The following CNTLN variants were observed in gnomAD, a reference collection of about 807,000 sequenced individuals.
CNTLN encodes centlein, also known as centlein, centrosomal protein.
Under a neutral mutation model 180.0 loss-of-function variants are expected in CNTLN, and 212 were observed. The ratio of observed to expected loss-of-function variants is 1.18; its 90% CI spans 1.05 to 1.32. CNTLN has a LOEUF of 1.32. Ranked by LOEUF, CNTLN falls within the 40% of genes most tolerant of loss-of-function variation. The pLI is 0.00. For missense variants in CNTLN, 2,095 were observed against 1,610.9 expected, an observed-to-expected ratio of 1.30 and a Z score of -5.14; for synonymous variants, 722 against 563.1, an observed-to-expected ratio of 1.28 and a Z score of -3.99.
intron 8 of CNTLN, among the ~76,000 whole-genome samples, chr9:17,312,391 T>TATATATA (rs1819251212): frequency 9.1e-6 from 1 of 109,358 alleles, no homozygotes; most frequent in African/African-American, 3.5e-5. Flanking sequence ...TATAATTTAT[T>TATATATA]TATTTATTTT....
intron 15 of CNTLN, 28 bp downstream of exon 15, chr9:17,395,097 G>A (rs1415962648): frequency 6.3e-7 from 1 of 1,576,464 alleles, no homozygotes; most frequent in East Asian, 2.2e-5. Context: ...TTAGCTCTGT[G>A]GTGGGGACAC....
At chr9:17,265,340 C>A (rs1272169285) in intron 5 of CNTLN, among the ~76,000 whole-genome samples, 1 of 152,092 alleles carries the variant, frequency 6.6e-6, no homozygotes, top group Non-Finnish European at 1.5e-5. Flanking sequence ...TGCTGGATTA[C>A]ACTTATTGAT....
intron 14 of CNTLN, among the ~76,000 whole-genome samples, chr9:17,390,223 T>C (rs1370954140): frequency 7.1e-6 from 1 of 140,868 alleles, no homozygotes; most frequent in East Asian, 2.1e-4. Context: ...ATTTCAGTTT[T>C]GAAAAGAGCC....
chr9:17,489,032 T>G (rs1013996184), intron 25 of CNTLN, among the ~76,000 whole-genome samples: 2 of 152,184 alleles, frequency 1.3e-5, no homozygotes, highest in South Asian at 4.1e-4. Context: ...GTTTTGCTGA[T>G]GTCTTTGAAT....
intron 19 of CNTLN, 71 bp from the exon 20 acceptor site, chr9:17,462,845 G>C: frequency 1.8e-6 from 1 of 565,976 alleles, no homozygotes; most frequent in Non-Finnish European, 3.0e-6. Context: ...CTTTAGAATG[G>C]CACTTATTTT....
intron 14 of CNTLN, among the ~76,000 whole-genome samples, chr9:17,388,897 C>T (rs1430383174): frequency 6.6e-6 from 1 of 151,682 alleles, no homozygotes; most frequent in Admixed American, 6.6e-5. Context: ...TAAATAAATA[C>T]ATTGTTATCA....
the CNTLN span, among the ~76,000 whole-genome samples, chr9:17,509,650 A>G: frequency 6.6e-6 from 1 of 152,180 alleles, no homozygotes; most frequent in East Asian, 1.9e-4. Context: ...AAGGCTGTAT[A>G]CACTTGAAAT....
chr9:17,171,902 G>C (rs912102115), intron 2 of CNTLN, among the ~76,000 whole-genome samples: 1 of 152,158 alleles, frequency 6.6e-6, no homozygotes, highest in East Asian at 1.9e-4. Flanking sequence ...AAGCACATTA[G>C]AGTAGCCATG....
At chr9:17,254,736 A>ATTG (rs71492906) in intron 5 of CNTLN, among the ~76,000 whole-genome samples, 71,850 of 150,990 alleles carry the variant, frequency 0.48, 18,259 homozygotes, top group African/African-American at 0.66. Context: ...GTTCTCCAAT[A>ATTG]TTGTTGTTTT....
intron 5 of CNTLN, among the ~76,000 whole-genome samples, chr9:17,270,935 C>T (rs1378526757): frequency 2.0e-5 from 3 of 147,808 alleles, no homozygotes; most frequent in Admixed American, 6.8e-5. Context: ...GCATTTCCTT[C>T]AGAGAGGAGT....
chr9:17,173,654 TCTC>T (rs142153259), intron 2 of CNTLN, among the ~76,000 whole-genome samples: 2,889 of 152,260 alleles, frequency 0.019, 57 homozygotes, highest in African/African-American at 0.05. Context: ...TTTGCTTTCT[TCTC>T]ATCAAAACAA....
chr9:17,340,194 A>T (rs1473737443), intron 10 of CNTLN, among the ~76,000 whole-genome samples: 1 of 152,112 alleles, frequency 6.6e-6, no homozygotes, highest in Non-Finnish European at 1.5e-5. Flanking sequence ...TAATTGTCTA[A>T]CCTAGGTATT....
chr9:17,314,650 AT>A (rs1179617979), intron 8 of CNTLN, among the ~76,000 whole-genome samples: 1 of 152,126 alleles, frequency 6.6e-6, no homozygotes, highest in East Asian at 1.9e-4. Flanking sequence ...TCCTAACGTT[AT>A]TTCTGTTGTG....
chr9:17,260,086 C>A (rs1327472007), intron 5 of CNTLN, among the ~76,000 whole-genome samples: 3 of 145,522 alleles, frequency 2.1e-5, no homozygotes, highest in African/African-American at 5.4e-5. Context: ...AATTTTGGAT[C>A]TTTCCTGCTT....
chr9:17,163,859 C>A (rs1654704833), intron 2 of CNTLN, among the ~76,000 whole-genome samples: 1 of 149,738 alleles, frequency 6.7e-6, no homozygotes, highest in South Asian at 2.1e-4. Context: ...GAAACCCTGT[C>A]TCTACAAAAA....
At chr9:17,355,548 G>T (rs1822767955) in intron 12 of CNTLN, among the ~76,000 whole-genome samples, 1 of 152,074 alleles carries the variant, frequency 6.6e-6, no homozygotes, top group South Asian at 2.1e-4. Context: ...TTTTTCTGTA[G>T]TTGTTTAATA....
chr9:17,301,682 C>T, intron 7 of CNTLN: 1 of 962,412 alleles, frequency 1.0e-6, no homozygotes, highest in Non-Finnish European at 1.2e-6. Context: ...CATTAGTATC[C>T]TCAACTAGAC....
At chr9:17,488,903 A>G (rs922409401) in intron 25 of CNTLN, among the ~76,000 whole-genome samples, 35 of 152,278 alleles carry the variant, frequency 2.3e-4, no homozygotes, top group African/African-American at 8.4e-4. Context: ...TTGCTGTTAT[A>G]CGTAATGAAC....
intron 20 of CNTLN, among the ~76,000 whole-genome samples, chr9:17,463,693 G>A (rs1831583287): frequency 6.6e-6 from 1 of 151,524 alleles, no homozygotes; most frequent in Admixed American, 6.6e-5. Flanking sequence ...TTTTTTAACT[G>A]ATAATATTTT....
Sources: gnomAD v4.1 joint callset for allele counts (sites outside exome capture counted in the v4.1 genomes callset) on GRCh38, gnomAD v4.1.1 for gene constraint, MANE v1.5 for transcripts, NCBI Gene and HGNC (gene_info 2026-07-23, HGNC 2026-07-21) for gene names.